Variants in KCNH8 observed in about 807,000 individuals in gnomAD.
KCNH8 encodes the protein voltage-gated delayed rectifier potassium channel KCNH8.
KCNH8 carries 70 observed loss-of-function variants against 103.6 expected under a neutral mutation model. The ratio of observed to expected loss-of-function variants is 0.68; its 90% confidence interval spans 0.56 to 0.82. KCNH8 has a LOEUF of 0.82. Among genes scored for constraint, KCNH8 ranks in the 40% least tolerant of loss-of-function variants. The probability of loss-of-function intolerance (pLI) is 0.00; values close to 1 mark genes in which losing one functional copy is unlikely to be tolerated. For missense variants in KCNH8, 1,217 were observed against 1,329.9 expected (o/e 0.92, Z 1.32); for synonymous variants, 498 against 489.4 (o/e 1.02, Z -0.23).
At chr3:19,178,255 T>C (rs1396694956) in intron 1 of KCNH8, among the ~76,000 whole-genome samples, 1 of 151,236 alleles carries the variant, frequency 6.6e-6, no homozygotes, top group Non-Finnish European at 1.5e-5. Flanking sequence ...AGAACAGAAA[T>C]CATTAGTCAT....
chr3:19,352,509 A>G (rs1266501498), intron 5 of KCNH8, among the ~76,000 whole-genome samples: 4 of 152,214 alleles, frequency 2.6e-5, no homozygotes, highest in Admixed American at 1.3e-4. Context: ...CAAATGCAAA[A>G]GAACAGAAAT....
chr3:19,397,159 C>T (rs1237326308), intron 7 of KCNH8, among the ~76,000 whole-genome samples: 1 of 151,856 alleles, frequency 6.6e-6, no homozygotes, highest in Non-Finnish European at 1.5e-5. Flanking sequence ...TGAATTGCTT[C>T]TATATTTACC....
intron 4 of KCNH8, among the ~76,000 whole-genome samples, chr3:19,343,044 A>C (rs747710668): frequency 1.3e-5 from 2 of 152,124 alleles, no homozygotes; most frequent in Non-Finnish European, 2.9e-5. Context: ...CGTATTACAC[A>C]TTCATAGTTT....
Position 19,451,463 on chromosome 3 carries a change from T to C in KCNH8, c.1825+59T>C. ...GACTCTGGAGCATAAATTAAGAAGATGAAATGGGGGAAAAAACTGCTATTG... is the reference window on the plus strand; with the variant it reads ...GACTCTGGAGCATAAATTAAGAAGACGAAATGGGGGAAAAAACTGCTATTG... On this transcript the variant is annotated intron_variant, in intron 10 of 15. Transcript: ENST00000328405. 2.6e-6 allele frequency: 4 copies of C among 1,528,196 alleles called. No homozygotes were observed. The South Asian group carries it at 3.5e-5, about 13-fold the overall frequency. 94.7% of individuals were successfully genotyped at this position (1,528,196 alleles called of 1,614,324 possible).
At chr3:19,526,441 T>C (rs891326900) in intron 15 of KCNH8, among the ~76,000 whole-genome samples, 3 of 152,012 alleles carry the variant, frequency 2.0e-5, no homozygotes, top group African/African-American at 7.2e-5. Context: ...TATGATACTA[T>C]ATGTCATTTT....
chr3:19,473,780 A>T (rs1035766869), intron 11 of KCNH8, among the ~76,000 whole-genome samples: 1 of 152,234 alleles, frequency 6.6e-6, no homozygotes, highest in African/African-American at 2.4e-5. Flanking sequence ...ACTGATGCAC[A>T]CACATACATT....
chr3:19,343,825 A>G (rs9865301), intron 4 of KCNH8, among the ~76,000 whole-genome samples: 16,582 of 152,068 alleles, frequency 0.11, 1,055 homozygotes, highest in East Asian at 0.18. Flanking sequence ...GTATGAGCCC[A>G]GGGTGAGGAA....
At chr3:19,475,619 A>G (rs375811500) in intron 11 of KCNH8, among the ~76,000 whole-genome samples, 3 of 152,216 alleles carry the variant, frequency 2.0e-5, no homozygotes, top group South Asian at 4.1e-4. Flanking sequence ...CACTTTAAAA[A>G]TTAATATAAA....
chr3:19,472,864 C>A (rs534543487), intron 11 of KCNH8, among the ~76,000 whole-genome samples: 3 of 152,156 alleles, frequency 2.0e-5, no homozygotes, highest in Admixed American at 1.3e-4. Context: ...TACATCTCAT[C>A]TTTTTTTACT....
chr3:19,168,293 C>T (rs1385552244), intron 1 of KCNH8, among the ~76,000 whole-genome samples: 1 of 152,078 alleles, frequency 6.6e-6, no homozygotes, highest in Non-Finnish European at 1.5e-5. Flanking sequence ...TCCCAAAGTG[C>T]TGGGATTACA....
chr3:19,225,767 A>G (rs1187719229), intron 1 of KCNH8, among the ~76,000 whole-genome samples: 1 of 152,134 alleles, frequency 6.6e-6, no homozygotes, highest in Non-Finnish European at 1.5e-5. Flanking sequence ...GGTTTCCCGC[A>G]TTCATAGATG....
chr3:19,448,121 A>G (rs377646731), intron 8 of KCNH8, among the ~76,000 whole-genome samples: 3 of 152,092 alleles, frequency 2.0e-5, no homozygotes, highest in South Asian at 2.1e-4. Flanking sequence ...ACATAAACTG[A>G]GCAAATACTG....
intron 5 of KCNH8, among the ~76,000 whole-genome samples, chr3:19,362,660 T>TTTGTTTG (rs1394227682): frequency 1.3e-5 from 2 of 152,000 alleles, no homozygotes; most frequent in African/African-American, 4.8e-5. Context: ...TGTTTTTGTT[T>TTTGTTTG]TTGTTTGTTG....
At chr3:19,204,506 A>G (rs2063694839) in intron 1 of KCNH8, among the ~76,000 whole-genome samples, 1 of 152,080 alleles carries the variant, frequency 6.6e-6, no homozygotes, top group Admixed American at 6.6e-5. Context: ...GTAAGTGGTT[A>G]TCAATTTTTC....
chr3:19,271,808 A>T (rs2064592299), intron 2 of KCNH8, among the ~76,000 whole-genome samples: 1 of 152,098 alleles, frequency 6.6e-6, no homozygotes, highest in African/African-American at 2.4e-5. Context: ...GAATCCAGGG[A>T]CTTGACCACA....
chr3:19,259,823 A>T (rs1436764578), intron 2 of KCNH8, among the ~76,000 whole-genome samples: 7 of 151,698 alleles, frequency 4.6e-5, no homozygotes, highest in African/African-American at 1.7e-4. Context: ...CAGCAAAAAT[A>T]ATTTATTTAT....
At chr3:19,488,826 C>T (rs1403113182) in intron 11 of KCNH8, among the ~76,000 whole-genome samples, 2 of 152,088 alleles carry the variant, frequency 1.3e-5, no homozygotes, top group Admixed American at 6.5e-5. Flanking sequence ...GCCTGGAGCA[C>T]CCTTTGCCTT....
At chr3:19,476,192 G>A (rs1000398512) in intron 11 of KCNH8, among the ~76,000 whole-genome samples, 12 of 152,096 alleles carry the variant, frequency 7.9e-5, no homozygotes, top group Middle Eastern at 3.2e-3. Flanking sequence ...GGCTAATTGA[G>A]CTTAACCGAG....
chr3:19,361,254 AT>A, intron 5 of KCNH8, among the ~76,000 whole-genome samples: 1 of 151,992 alleles, frequency 6.6e-6, no homozygotes, highest in East Asian at 1.9e-4. Context: ...AGAATCATGG[AT>A]TTTTTTCTCT....
Sources: allele counts gnomAD v4.1 joint callset (sites outside exome capture counted in the v4.1 genomes callset), GRCh38; gene constraint gnomAD v4.1.1; transcripts MANE v1.5; gene names NCBI Gene and HGNC (gene_info 2026-07-23, HGNC 2026-07-21).